Variants in FBXO33 observed in about 807,000 individuals in gnomAD.
FBXO33 encodes the protein F-box protein 33, also known as F-box only protein 33.
In FBXO33, 22 loss-of-function variants were observed where a neutral mutation model predicts 46.3. The observed-to-expected ratio is 0.48, with a 90% CI of 0.34 to 0.68. The LOEUF (loss-of-function observed/expected upper bound fraction) is 0.68, where lower values mean the gene tolerates loss of function less well. Ranked by LOEUF, FBXO33 falls within the 30% of genes least tolerant of loss-of-function variation. The pLI is 0.01. For missense variants in FBXO33, 692 were observed against 708.8 expected, an observed-to-expected ratio of 0.98 and a Z score of 0.27; for synonymous variants, 337 against 291.3, an observed-to-expected ratio of 1.16 and a Z score of -1.60.
chr14:39,422,430 T>C (rs182845873), intron 1 of FBXO33, among the ~76,000 whole-genome samples: 3 of 152,346 alleles, frequency 2.0e-5, no homozygotes, highest in Admixed American at 1.3e-4. Flanking sequence ...CCCAACACAG[T>C]AGCCAGACTG....
intron 1 of FBXO33, among the ~76,000 whole-genome samples, chr14:39,402,853 T>C (rs1004692858): frequency 6.6e-6 from 1 of 152,100 alleles, no homozygotes; most frequent in Non-Finnish European, 1.5e-5. Flanking sequence ...CGGCTAATTT[T>C]TTTGTATTTT....
chr14:39,403,961 G>A (rs2075380789), intron 1 of FBXO33, among the ~76,000 whole-genome samples: 1 of 151,876 alleles, frequency 6.6e-6, no homozygotes, highest in Non-Finnish European at 1.5e-5. Context: ...GCCACCATAT[G>A]TGGATAATTT....
At chr14:39,402,568 A>C in intron 1 of FBXO33, 57 bp from the exon 2 acceptor site, 1 of 834,536 alleles carries the variant, frequency 1.2e-6, no homozygotes, top group Non-Finnish European at 1.7e-6. Context: ...AAAAAATATA[A>C]ATATAAAAAA....
chr14:39,410,039 C>T (rs1432364875), intron 1 of FBXO33, among the ~76,000 whole-genome samples: 1 of 152,018 alleles, frequency 6.6e-6, no homozygotes, highest in African/African-American at 2.4e-5. Context: ...TCCCTAATTG[C>T]TCCGGCTAGA....
chr14:39,411,552 T>A (rs1330908854), intron 1 of FBXO33, among the ~76,000 whole-genome samples: 1 of 150,814 alleles, frequency 6.6e-6, no homozygotes, highest in Non-Finnish European at 1.5e-5. Flanking sequence ...GACAAGAGTC[T>A]CGCACTGTCA....
intron 1 of FBXO33, among the ~76,000 whole-genome samples, chr14:39,409,275 A>G (rs1006195463): frequency 1.3e-5 from 2 of 152,142 alleles, no homozygotes; most frequent in African/African-American, 2.4e-5. Flanking sequence ...ATGGTCTACG[A>G]TAGGATCCAA....
intron 1 of FBXO33, among the ~76,000 whole-genome samples, chr14:39,418,076 T>C (rs2075458135): frequency 6.6e-6 from 1 of 151,964 alleles, no homozygotes; most frequent in Non-Finnish European, 1.5e-5. Flanking sequence ...TTATTATTAT[T>C]TTTTTGAGAT....
At chr14:39,415,942 C>T (rs549214762) in intron 1 of FBXO33, among the ~76,000 whole-genome samples, 11 of 152,354 alleles carry the variant, frequency 7.2e-5, no homozygotes, top group Non-Finnish European at 1.6e-4. Context: ...GCTGGAATTA[C>T]AGGTGTGAGC....
chr14:39,431,064 G>T (rs1178425719), intron 1 of FBXO33, among the ~76,000 whole-genome samples: 3 of 152,120 alleles, frequency 2.0e-5, no homozygotes, highest in Admixed American at 6.6e-5. Flanking sequence ...TCAGTTAGCC[G>T]AAACTATTTC....
chr14:39,408,118 A>AT (rs2075407273), intron 1 of FBXO33, among the ~76,000 whole-genome samples: 1 of 151,496 alleles, frequency 6.6e-6, no homozygotes, highest in Admixed American at 6.6e-5. Context: ...CTTTTTTTGT[A>AT]TTTTTTAGTA....
intron 1 of FBXO33, among the ~76,000 whole-genome samples, chr14:39,412,652 A>G (rs2075429188): frequency 6.6e-6 from 1 of 151,954 alleles, no homozygotes; most frequent in African/African-American, 2.4e-5. Flanking sequence ...ATTTTTTTGT[A>G]GTGCTATGTA....
chr14:39,416,234 G>A (rs890066325), intron 1 of FBXO33, among the ~76,000 whole-genome samples: 8 of 150,918 alleles, frequency 5.3e-5, no homozygotes, highest in African/African-American at 2.0e-4. Flanking sequence ...AGCTTTGCTG[G>A]GTACACTATT....
chr14:39,420,211 G>A (rs575321765), intron 1 of FBXO33, among the ~76,000 whole-genome samples: 3 of 152,288 alleles, frequency 2.0e-5, no homozygotes, highest in Admixed American at 6.5e-5. Context: ...GATTCTTGGA[G>A]TAGAAATAAA....
chr14:39,405,948 C>T (rs2075395344), intron 1 of FBXO33, among the ~76,000 whole-genome samples: 2 of 121,516 alleles, frequency 1.6e-5, no homozygotes. Flanking sequence ...TTTTAAAAAA[C>T]ATTTCAAGGA....
At chr14:39,420,686 G>A (rs149529214) in intron 1 of FBXO33, among the ~76,000 whole-genome samples, 1 of 151,520 alleles carries the variant, frequency 6.6e-6, no homozygotes, top group African/African-American at 2.4e-5. Context: ...GCGAAACTCT[G>A]TCTCAAAAAA....
chr14:39,430,649 T>C (rs998416666), intron 1 of FBXO33, among the ~76,000 whole-genome samples: 9 of 152,208 alleles, frequency 5.9e-5, no homozygotes, highest in African/African-American at 1.7e-4. Flanking sequence ...ATTTTTACTA[T>C]GTAAGGTGCT....
chr14:39,427,570 A>G (rs1287096040), intron 1 of FBXO33, among the ~76,000 whole-genome samples: 2 of 152,168 alleles, frequency 1.3e-5, no homozygotes, highest in African/African-American at 4.8e-5. Flanking sequence ...ACTGTTGGAG[A>G]TAATACCTTC....
chr14:39,432,299 A>C lies in FBXO33; in HGVS notation c.-137T>G. On this transcript the variant is annotated 5_prime_UTR_variant, in exon 1 of 4. Coordinates refer to ENST00000298097, the MANE Select transcript of FBXO33 (RefSeq NM_203301.4). ...GCCTCTGTCTTCTCAAACTCTACTC[A>C]CGTGCGTCCGAGGCCGGCACACTGA... 2 of 686,254 alleles carry C rather than the reference A, an allele frequency of 2.9e-6. No homozygotes were observed. Among genetic ancestry groups the C allele is most frequent in the Non-Finnish European group, 3.9e-6 (2 of 508,890 alleles). 42.5% of individuals were successfully genotyped at this position (686,254 alleles called of 1,614,324 possible). A position where few individuals can be genotyped will look rare whatever the true frequency, so the allele number is the denominator to read the frequency against.
chr14:39,430,897 C>T (rs1346600430), intron 1 of FBXO33, among the ~76,000 whole-genome samples: 4 of 152,096 alleles, frequency 2.6e-5, no homozygotes, highest in Middle Eastern at 3.2e-3. Context: ...CCAACTCCCT[C>T]GCTGCCCGCC....
Sources: allele counts gnomAD v4.1 joint callset (sites outside exome capture counted in the v4.1 genomes callset), GRCh38; gene constraint gnomAD v4.1.1; transcripts MANE v1.5; gene names NCBI Gene and HGNC (gene_info 2026-07-23, HGNC 2026-07-21).